The following MYO16 variants were observed in gnomAD, a reference collection of about 807,000 sequenced individuals.
MYO16 encodes the protein myosin XVI, also known as unconventional myosin-XVI.
In MYO16, 94 loss-of-function variants were observed where a neutral mutation model predicts 205.3. The observed-to-expected ratio is 0.46, with a 90% CI of 0.39 to 0.54. The LOEUF (loss-of-function observed/expected upper bound fraction) is 0.54, where lower values mean the gene tolerates loss of function less well. MYO16 is among the 20% of genes least tolerant of loss of function. The probability of loss-of-function intolerance (pLI) is 0.00; values close to 1 mark genes in which losing one functional copy is unlikely to be tolerated. For synonymous variants in MYO16, 988 were observed against 954.0 expected (o/e 1.04, Z -0.66); for missense variants, 2,315 against 2,387.5 (o/e 0.97, Z 0.63).
intron 20 of MYO16, among the ~76,000 whole-genome samples, chr13:108,986,606 G>A (rs1884644491): frequency 9.6e-6 from 1 of 104,090 alleles, no homozygotes; most frequent in Non-Finnish European, 1.8e-5. Flanking sequence ...TGGGCAACAA[G>A]AGCGAAACTC....
At chr13:109,007,171 G>A (rs1422585247) in intron 21 of MYO16, among the ~76,000 whole-genome samples, 7 of 152,046 alleles carry the variant, frequency 4.6e-5, no homozygotes, top group South Asian at 2.1e-4. Flanking sequence ...GGTGGATCAC[G>A]AGGTCAGGAG....
the MYO16 span, among the ~76,000 whole-genome samples, chr13:108,523,579 G>C: frequency 6.6e-6 from 1 of 152,054 alleles, no homozygotes; most frequent in Non-Finnish European, 1.5e-5. Context: ...TCAAGCTCTT[G>C]ACCCCAGCAG....
intron 17 of MYO16, among the ~76,000 whole-genome samples, chr13:108,960,464 A>G (rs1883540345): frequency 6.6e-6 from 1 of 152,102 alleles, no homozygotes; most frequent in Non-Finnish European, 1.5e-5. Context: ...AAAATTAGAG[A>G]TCATTCTTTT....
At chr13:108,868,984 T>C (rs1358338179) in intron 12 of MYO16, among the ~76,000 whole-genome samples, 2 of 152,126 alleles carry the variant, frequency 1.3e-5, no homozygotes, top group African/African-American at 2.4e-5. Context: ...CTAGTAACTA[T>C]ACATAAATGG....
chr13:109,140,991 C>T lies in MYO16; in HGVS notation c.4779C>T (p.Ser1593=). ...FNGSGRASPP[S]TPPPPPPPPG... ...GGTCCGGCCGAGCCTCCCCGCCGTCCACGCCGCCCCCGCCCCCGCCCCCGC... is the reference window on the plus strand; with the variant it reads ...GGTCCGGCCGAGCCTCCCCGCCGTCTACGCCGCCCCCGCCCCCGCCCCCGC... The change falls in exon 32 of 35, where the codon TCC becomes TCT. Residue 1593 remains serine, a synonymous_variant. Coordinates refer to ENST00000457511, the MANE Select transcript of MYO16 (RefSeq NM_001198950.3). The surrounding 1 kb of genome is among the most constrained non-coding windows in gnomAD (Gnocchi z 8.0). 7.4e-7 allele frequency: 1 copy of T among 1,357,482 alleles called. No individual in the cohort carries two copies. Among genetic ancestry groups the T allele is most frequent in the Non-Finnish European group, 9.5e-7 (1 of 1,054,706 alleles). 84.1% of individuals were successfully genotyped at this position (1,357,482 alleles called of 1,614,324 possible). A position where few individuals can be genotyped will look rare whatever the true frequency, so the allele number is the denominator to read the frequency against.
At chr13:108,882,915 C>A in intron 12 of MYO16, 144 bp from the exon 13 acceptor site, 1 of 1,196,126 alleles carries the variant, frequency 8.4e-7, no homozygotes, top group Non-Finnish European at 1.2e-6. Context: ...TGTAATTTTA[C>A]AAATGTTTTT....
rs186185611 is a variant in MYO16 at position 108,711,128 on chromosome 13, G to A, written c.293-1533G>A. Among the ~76,000 whole-genome samples, 424 of 152,286 alleles carry A rather than the reference G, an allele frequency of 2.8e-3. 1 individual carries two copies. The highest frequency in any genetic ancestry group is 7.9e-3 in the African/African-American group (328 of 41,562). On this transcript the variant is annotated intron_variant, in intron 2 of 34. Coordinates refer to ENST00000457511, the MANE Select transcript of MYO16 (RefSeq NM_001198950.3). ...GGGGGGAAGAGCATCTCCATACCAC[G>A]AAACAGGACGGTTCTTAGAAATACA...
At chr13:109,191,376 A>C (rs2139945299) in intron 34 of MYO16, among the ~76,000 whole-genome samples, 1 of 152,318 alleles carries the variant, frequency 6.6e-6, no homozygotes, top group South Asian at 2.1e-4. Context: ...AGCATGGAAA[A>C]ATAGGCAATA....
At chr13:109,063,000 A>G (rs1029642623) in intron 27 of MYO16, among the ~76,000 whole-genome samples, 1 of 152,196 alleles carries the variant, frequency 6.6e-6, no homozygotes, top group African/African-American at 2.4e-5. Context: ...TATGATTACC[A>G]CAAAAATCTT....
At chr13:108,870,180 TATGA>T (rs2139135417) in intron 12 of MYO16, among the ~76,000 whole-genome samples, 1 of 152,140 alleles carries the variant, frequency 6.6e-6, no homozygotes, top group African/African-American at 2.4e-5. Flanking sequence ...CAATTGTTGA[TATGA>T]ATATTTTTCT....
chr13:108,961,712 C>A, intron 18 of MYO16, 56 bp downstream of exon 18: 13 of 1,380,916 alleles, frequency 9.4e-6, no homozygotes, highest in Non-Finnish European at 1.3e-5. Flanking sequence ...TTTTGTAGAT[C>A]TACCAGTAGA....
intron 1 of MYO16, among the ~76,000 whole-genome samples, chr13:108,611,196 A>G (rs538949427): frequency 7.2e-5 from 11 of 152,144 alleles, no homozygotes; most frequent in Non-Finnish European, 1.3e-4. Flanking sequence ...ATAAAGAGAC[A>G]ATGGCATAGT....
chr13:109,143,856 C>T (rs1268913810), intron 32 of MYO16, among the ~76,000 whole-genome samples: 3 of 152,132 alleles, frequency 2.0e-5, no homozygotes, highest in Non-Finnish European at 4.4e-5. Context: ...GATTGAGCCA[C>T]TTATGACTTT....
At chr13:109,015,677 G>T (rs998138916) in intron 22 of MYO16, among the ~76,000 whole-genome samples, 2 of 152,016 alleles carry the variant, frequency 1.3e-5, no homozygotes, top group Admixed American at 6.6e-5. Flanking sequence ...GCTTCTTCCT[G>T]GTTTAGTCTT....
At chr13:108,551,477 C>T in the MYO16 span, among the ~76,000 whole-genome samples, 8 of 152,296 alleles carry the variant, frequency 5.3e-5, no homozygotes, top group East Asian at 1.4e-3. Flanking sequence ...TCCATCTCAC[C>T]AGTCCTACAG....
At chr13:108,867,814 T>C (rs758074749) in intron 12 of MYO16, among the ~76,000 whole-genome samples, 3 of 152,186 alleles carry the variant, frequency 2.0e-5, no homozygotes, top group Non-Finnish European at 4.4e-5. Flanking sequence ...CCATGCCCTG[T>C]GTCAAACGTG....
At chr13:108,637,110 A>G (rs1271038954) in intron 1 of MYO16, among the ~76,000 whole-genome samples, 2 of 152,224 alleles carry the variant, frequency 1.3e-5, no homozygotes. Flanking sequence ...GATATATAAA[A>G]TCGTAAACTT....
At chr13:108,603,401 AT>A (rs1220540012) in intron 1 of MYO16, among the ~76,000 whole-genome samples, 1 of 152,196 alleles carries the variant, frequency 6.6e-6, no homozygotes, top group African/African-American at 2.4e-5. Flanking sequence ...GTTGGGAAAA[AT>A]TCATGGACTT....
chr13:108,910,299 A>G, intron 16 of MYO16, 149 bp downstream of exon 16: 4 of 830,534 alleles, frequency 4.8e-6, no homozygotes, highest in East Asian at 2.5e-5. Flanking sequence ...CCATCCACAT[A>G]ACAAGGTTCC....
Sources: gnomAD v4.1 joint callset for allele counts (sites outside exome capture counted in the v4.1 genomes callset) on GRCh38, gnomAD v4.1.1 for gene constraint, Gnocchi (gnomAD v3.1) non-coding constraint, MANE v1.5 for transcripts, NCBI Gene and HGNC (gene_info 2026-07-23, HGNC 2026-07-21) for gene names.